Variants in SPATA17 observed in about 807,000 individuals in gnomAD.
SPATA17 encodes the protein spermatogenesis associated 17.
SPATA17 carries 53 observed loss-of-function variants against 62.2 expected under a neutral mutation model. The ratio of observed to expected loss-of-function variants is 0.85; its 90% CI spans 0.68 to 1.07. SPATA17 has a LOEUF of 1.07. SPATA17 is among the 50% of genes least tolerant of loss of function. The pLI is 0.00. For synonymous variants in SPATA17, 146 were observed against 146.8 expected (o/e 0.99, Z 0.04); for missense variants, 466 against 425.5 (o/e 1.10, Z -0.84).
At chr1:217,768,295 G>A (rs1025063380) in intron 6 of SPATA17, among the ~76,000 whole-genome samples, 1 of 152,004 alleles carries the variant, frequency 6.6e-6, no homozygotes, top group African/African-American at 2.4e-5. Flanking sequence ...ATTTTATACA[G>A]AATTAAGTCC....
intron 8 of SPATA17, among the ~76,000 whole-genome samples, chr1:217,792,007 G>C (rs950997182): frequency 4.6e-5 from 7 of 151,960 alleles, no homozygotes; most frequent in African/African-American, 1.7e-4. Flanking sequence ...GGCCACACTG[G>C]AAGAAGAAGA....
chr1:217,693,085 C>T (rs1266779415), intron 5 of SPATA17, among the ~76,000 whole-genome samples: 19 of 135,936 alleles, frequency 1.4e-4, no homozygotes, highest in African/African-American at 5.2e-4. Flanking sequence ...CCTCCTTGTA[C>T]CTCTGGTAGA....
intron 3 of SPATA17, among the ~76,000 whole-genome samples, chr1:217,661,138 G>A (rs1670559360): frequency 6.6e-6 from 1 of 152,040 alleles, no homozygotes; most frequent in South Asian, 2.1e-4. Context: ...AAGATGACAG[G>A]ATTTTCTACC....
At chr1:217,858,877 A>G (rs1675836787) in intron 9 of SPATA17, among the ~76,000 whole-genome samples, 1 of 151,432 alleles carries the variant, frequency 6.6e-6, no homozygotes. Context: ...AAAATACAAA[A>G]ATTAGCCAGG....
intron 1 of SPATA17, 61 bp from the exon 2 acceptor site, chr1:217,648,821 T>C: frequency 2.0e-6 from 2 of 989,892 alleles, no homozygotes; most frequent in Non-Finnish European, 3.0e-6. Context: ...GTTTAACAGG[T>C]TGACTTGCTT....
rs977976580 is a variant in SPATA17, at chr1:217,843,655, A to G, written c.1006-19119A>G. Among the ~76,000 whole-genome samples, 25 of 151,986 alleles carry G rather than the reference A, an allele frequency of 1.6e-4. 1 individual carries two copies. The highest frequency in any genetic ancestry group is 5.5e-4 in the African/African-American group (23 of 41,480). Reference sequence around the variant, plus strand: ...CAGGGACTAATTATTTTAAGTTTTGATGGCTACGGGTTTATGTTACCACTA... The same window carrying G: ...CAGGGACTAATTATTTTAAGTTTTGGTGGCTACGGGTTTATGTTACCACTA... On this transcript the variant is annotated intron_variant, in intron 9 of 10. Transcript: ENST00000366933.
intron 9 of SPATA17, among the ~76,000 whole-genome samples, chr1:217,820,847 C>T (rs533274873): frequency 5.6e-4 from 85 of 151,980 alleles, no homozygotes; most frequent in African/African-American, 1.7e-3. Flanking sequence ...TACCTGAAGC[C>T]GGGTAGTTTT....
chr1:217,847,422 T>C (rs1675553721), intron 9 of SPATA17, among the ~76,000 whole-genome samples: 1 of 152,130 alleles, frequency 6.6e-6, no homozygotes, highest in South Asian at 2.1e-4. Flanking sequence ...AAATTCACAT[T>C]GCTTTCTTAA....
chr1:217,809,207 T>TG (rs1558059931), intron 9 of SPATA17, among the ~76,000 whole-genome samples: 2 of 152,158 alleles, frequency 1.3e-5, no homozygotes, highest in Admixed American at 6.5e-5. Context: ...ATTTTTTTTT[T>TG]GTTTGCAGCT....
At chr1:217,789,417 TTCACCCACCACAGTAAA>T (rs1673947064) in intron 8 of SPATA17, among the ~76,000 whole-genome samples, 1 of 152,154 alleles carries the variant, frequency 6.6e-6, no homozygotes, top group Admixed American at 6.5e-5. Context: ...ATGGGGTCCA[TTCACCCACCACAGTAAA>T]ACTCAGAGGT....
rs909494199 is a variant in SPATA17, at chr1:217,793,255, C to G, written c.873-8463C>G. On this transcript the variant is annotated intron_variant, in intron 8 of 10. Transcript: ENST00000366933. ...TTTTTTTTTGAGACGGAGTCTTGCT[C>G]TGTTGCCCAGGCTGGAGTGCAGTGG... is the stretch of plus-strand genomic sequence containing the variant. Among the ~76,000 whole-genome samples the G allele has an allele frequency of 1.7e-4, 20 of 121,102 alleles. No homozygotes were observed. The South Asian group carries it at 2.7e-3, about 16-fold the overall frequency. 79.4% of individuals were successfully genotyped at this position (121,102 alleles called of 152,430 possible). A position where few individuals can be genotyped will look rare whatever the true frequency, so the allele number is the denominator to read the frequency against.
At chr1:217,722,438 T>C (rs1672154725) in intron 5 of SPATA17, among the ~76,000 whole-genome samples, 2 of 151,868 alleles carry the variant, frequency 1.3e-5, no homozygotes, top group South Asian at 2.1e-4. Flanking sequence ...TAATACAATA[T>C]TATAAAAACT....
intron 9 of SPATA17, among the ~76,000 whole-genome samples, chr1:217,819,748 G>T (rs560658201): frequency 6.6e-6 from 1 of 151,994 alleles, no homozygotes; most frequent in African/African-American, 2.4e-5. Flanking sequence ...TCCTAGTAAG[G>T]CTGAAGGTAT....
chr1:217,651,297 C>CA (rs1266023290), intron 3 of SPATA17, 119 bp downstream of exon 3: 1 of 700,836 alleles, frequency 1.4e-6, no homozygotes, highest in Non-Finnish European at 2.2e-6. Flanking sequence ...TATGTAAGGA[C>CA]AAAATTGGGC....
intron 6 of SPATA17, among the ~76,000 whole-genome samples, chr1:217,763,408 AC>A (rs1408606183): frequency 6.6e-6 from 1 of 150,476 alleles, no homozygotes; most frequent in African/African-American, 2.5e-5. Context: ...AAAAAAAAAA[AC>A]ATTTTTGGTG....
chr1:217,649,116 A>G (rs1670251989), intron 2 of SPATA17, 145 bp downstream of exon 2: 1 of 567,494 alleles, frequency 1.8e-6, no homozygotes, highest in Non-Finnish European at 3.0e-6. Context: ...TTTCTTTTAA[A>G]AGAAATACAT....
At chr1:217,787,043 T>C (rs990022621) in intron 8 of SPATA17, among the ~76,000 whole-genome samples, 2 of 152,096 alleles carry the variant, frequency 1.3e-5, no homozygotes, top group African/African-American at 4.8e-5. Flanking sequence ...CTGCACAAGC[T>C]AGAGACTTGT....
At chr1:217,862,680 T>A (rs1675920992) in intron 9 of SPATA17, 94 bp from the exon 10 acceptor site, 2 of 885,040 alleles carry the variant, frequency 2.3e-6, no homozygotes, top group East Asian at 2.6e-5. Flanking sequence ...TTGAAAGACA[T>A]CTGTCTAGCA....
At chr1:217,720,813 G>A (rs977545702) in intron 5 of SPATA17, among the ~76,000 whole-genome samples, 5 of 152,140 alleles carry the variant, frequency 3.3e-5, no homozygotes, top group African/African-American at 4.8e-5. Context: ...GAAAGGAAAT[G>A]TTTGGAGGAT....
Sources: allele counts gnomAD v4.1 joint callset (sites outside exome capture counted in the v4.1 genomes callset), GRCh38; gene constraint gnomAD v4.1.1; transcripts MANE v1.5; gene names NCBI Gene and HGNC (gene_info 2026-07-23, HGNC 2026-07-21).